The following SEPTIN7 variants were observed in gnomAD, a reference collection of about 807,000 sequenced individuals.
SEPTIN7 encodes the protein septin-7.
Under a neutral mutation model 63.3 loss-of-function variants are expected in SEPTIN7, and 10 were observed. The observed-to-expected ratio is 0.16, with a 90% CI of 0.10 to 0.27. The LOEUF (loss-of-function observed/expected upper bound fraction) is 0.27. Ranked by LOEUF, SEPTIN7 falls within the 10% of genes least tolerant of loss-of-function variation. The probability of loss-of-function intolerance (pLI) is 1.00; values close to 1 mark genes in which losing one functional copy is unlikely to be tolerated. For missense variants in SEPTIN7, 310 were observed against 521.0 expected, an observed-to-expected ratio of 0.59 and a Z score of 3.94; for synonymous variants, 131 against 165.3, an observed-to-expected ratio of 0.79 and a Z score of 1.59.
chr7:35,828,912 G>A (rs547337542), intron 1 of SEPTIN7, among the ~76,000 whole-genome samples: 20 of 152,182 alleles, frequency 1.3e-4, no homozygotes, highest in South Asian at 2.1e-4. Flanking sequence ...AGCATGAACC[G>A]CTCTGGATGG....
chr7:35,865,129 A>T (rs747216257), intron 4 of SEPTIN7, among the ~76,000 whole-genome samples: 5 of 151,782 alleles, frequency 3.3e-5, no homozygotes, highest in Non-Finnish European at 7.4e-5. Flanking sequence ...TGTGATAAAT[A>T]TTGGAAATTT....
chr7:35,914,669 A>G, the SEPTIN7 span, among the ~76,000 whole-genome samples: 3 of 150,890 alleles, frequency 2.0e-5, no homozygotes, highest in African/African-American at 7.3e-5. Context: ...CTATATATAT[A>G]TATACACACA....
Position 35,871,197 on chromosome 7 carries a change from C to T in SEPTIN7, c.277-1469C>T, listed in dbSNP as rs75345049. The stretch of plus-strand genomic sequence containing the variant: ...ATCAGGATCAAAGCAGTTTAAAGAA[C>T]ATTAAAAGATAAGAATTTGGCATCT... On this transcript the variant is annotated intron_variant, in intron 4 of 13. Coordinates refer to ENST00000350320, the MANE Select transcript of SEPTIN7 (RefSeq NM_001788.6). Among the ~76,000 whole-genome samples the T allele has an allele frequency of 5.6e-3, 850 of 152,174 alleles. 7 individuals carry two copies. The highest frequency in any genetic ancestry group is 0.019 in the African/African-American group (809 of 41,520).
At chr7:35,856,606 A>G (rs1034014773) in intron 3 of SEPTIN7, among the ~76,000 whole-genome samples, 2 of 152,216 alleles carry the variant, frequency 1.3e-5, no homozygotes, top group African/African-American at 4.8e-5. Context: ...GGAACCAGAA[A>G]AAGCAGACTG....
intron 11 of SEPTIN7, among the ~76,000 whole-genome samples, chr7:35,892,978 C>T (rs554192569): frequency 1.3e-5 from 2 of 152,218 alleles, no homozygotes; most frequent in South Asian, 2.1e-4. Context: ...TGAAAGAAAT[C>T]GCTTAGAAGT....
At chr7:35,854,472 G>A (rs948814678) in intron 3 of SEPTIN7, among the ~76,000 whole-genome samples, 3 of 152,208 alleles carry the variant, frequency 2.0e-5, no homozygotes, top group African/African-American at 7.2e-5. Flanking sequence ...GGCCAGGGAT[G>A]CTGCCAAGCA....
At chr7:35,846,270 G>A (rs1428157692) in intron 3 of SEPTIN7, among the ~76,000 whole-genome samples, 2 of 152,056 alleles carry the variant, frequency 1.3e-5, no homozygotes, top group Non-Finnish European at 2.9e-5. Context: ...ATCATAATAC[G>A]CTTAGCCTGC....
chr7:35,895,466 G>C (rs1316958785), intron 11 of SEPTIN7, among the ~76,000 whole-genome samples: 1 of 152,132 alleles, frequency 6.6e-6, no homozygotes, highest in East Asian at 1.9e-4. Context: ...TATCTTAACT[G>C]TTAAATAATT....
chr7:35,875,525 C>T (rs1453911817), intron 6 of SEPTIN7, among the ~76,000 whole-genome samples: 2 of 152,092 alleles, frequency 1.3e-5, no homozygotes, highest in East Asian at 3.8e-4. Flanking sequence ...ATAAATTGGT[C>T]CAACAGTGTA....
At chr7:35,915,001 T>C in the SEPTIN7 span, among the ~76,000 whole-genome samples, 20 of 152,132 alleles carry the variant, frequency 1.3e-4, no homozygotes, top group African/African-American at 4.6e-4. Context: ...TGTACACATA[T>C]AATGTATGTG....
rs1262935215 is a variant in SEPTIN7 at position 35,904,247 on chromosome 7, C to T, written c.1275-7C>T. 1.3e-6 allele frequency: 2 copies of T among 1,544,274 alleles called. No individual in the cohort carries two copies. The highest frequency in any genetic ancestry group is 4.0e-5 in the Admixed American group (2 of 49,686). On this transcript the variant is annotated splice_region_variant and splice_polypyrimidine_tract_variant and intron_variant, in intron 13 of 13. Transcript: ENST00000350320. ...CTCATCTTGCTTATTTTCCTTTTAT[C>T]CTTTAGAACCTTGGAAAAGAACAAG... is the stretch of plus-strand genomic sequence containing the variant.
chr7:35,816,401 C>T (rs1322809059), intron 1 of SEPTIN7, among the ~76,000 whole-genome samples: 2 of 152,130 alleles, frequency 1.3e-5, no homozygotes, highest in Non-Finnish European at 1.5e-5. Flanking sequence ...TAGCATGTCT[C>T]AGTAGTACTT....
At chr7:35,880,160 C>G (rs1196942608) in intron 7 of SEPTIN7, among the ~76,000 whole-genome samples, 1 of 150,984 alleles carries the variant, frequency 6.6e-6, no homozygotes, top group Non-Finnish European at 1.5e-5. Context: ...GACAATTTCT[C>G]CCCATACTCT....
chr7:35,872,735 G>C lies in SEPTIN7; in HGVS notation c.346G>C (p.Gly116Arg). ...QLLLTIVDTP[G>R]FGDAVDNSNC... ...GCTGCTCACAATAGTTGATACCCCAGGATTTGGAGATGCAGTGGATAATAG... is the reference window on the plus strand; with the variant it reads ...GCTGCTCACAATAGTTGATACCCCACGATTTGGAGATGCAGTGGATAATAG... Residue 116 changes from glycine to arginine, a missense_variant, in exon 5 of 14, where the codon GGA becomes CGA. Physicochemically the swap from Gly to Arg is moderately radical, Grantham distance 125. Transcript: ENST00000350320. 1 of 1,612,214 alleles carries C rather than the reference G, an allele frequency of 6.2e-7. No individual in the cohort carries two copies. The highest frequency in any genetic ancestry group is 8.5e-7 in the Non-Finnish European group (1 of 1,178,412).
At chr7:35,803,218 A>G in intron 1 of SEPTIN7, 1 of 750,294 alleles carries the variant, frequency 1.3e-6, no homozygotes, top group Non-Finnish European at 1.6e-6. Context: ...TAGTGTTAAA[A>G]GATTGTATTT....
intron 1 of SEPTIN7, among the ~76,000 whole-genome samples, chr7:35,808,210 TCTTA>T (rs138878043): frequency 0.047 from 7,096 of 152,272 alleles, 246 homozygotes; most frequent in South Asian, 0.17. Context: ...GAAATCTCCT[TCTTA>T]CTTCTACCCC....
At chr7:35,839,763 C>A (rs1304555973) in intron 3 of SEPTIN7, among the ~76,000 whole-genome samples, 1 of 152,138 alleles carries the variant, frequency 6.6e-6, no homozygotes, top group Non-Finnish European at 1.5e-5. Context: ...CCATCTTGGC[C>A]AGGCTGGTCT....
intron 3 of SEPTIN7, among the ~76,000 whole-genome samples, chr7:35,834,924 A>G (rs938679915): frequency 2.0e-5 from 3 of 152,128 alleles, no homozygotes; most frequent in Admixed American, 6.5e-5. Context: ...ACGACAGTTC[A>G]TTTACAACTT....
intron 4 of SEPTIN7, among the ~76,000 whole-genome samples, chr7:35,870,790 A>C (rs1159417376): frequency 1.4e-5 from 2 of 147,556 alleles, no homozygotes; most frequent in Non-Finnish European, 3.0e-5. Context: ...TCTGCCATGC[A>C]CTCCAGCCTG....
Sources: allele counts gnomAD v4.1 joint callset (sites outside exome capture counted in the v4.1 genomes callset), GRCh38; gene constraint gnomAD v4.1.1; transcripts MANE v1.5; gene names NCBI Gene and HGNC (gene_info 2026-07-23, HGNC 2026-07-21).